The following DISC1 variants were observed in gnomAD, a reference collection of about 807,000 sequenced individuals.
The protein encoded by DISC1 is DISC1 scaffold protein, also known as disrupted in schizophrenia 1 protein.
DISC1 carries 57 observed loss-of-function variants against 84.5 expected under a neutral mutation model. The ratio of observed to expected loss-of-function variants is 0.67; its 90% CI spans 0.55 to 0.84. DISC1 has a LOEUF of 0.84. Among genes scored for constraint, DISC1 ranks in the 40% least tolerant of loss-of-function variants. The pLI is 0.00. For missense variants in DISC1, 1,000 were observed against 1,057.8 expected (o/e 0.95, Z 0.76); for synonymous variants, 411 against 415.2 (o/e 0.99, Z 0.12).
chr1:231,843,739 G>T (rs139921941), intron 9 of DISC1, among the ~76,000 whole-genome samples: 4 of 152,248 alleles, frequency 2.6e-5, no homozygotes, highest in Admixed American at 2.0e-4. Context: ...CCACCGGTGG[G>T]GGGTATTCAT....
At position 231,715,081 on chromosome 1, in the gene DISC1, C is replaced by T. The variant is rs541162275; in HGVS notation, c.1117+13057C>T. On this transcript the variant is annotated intron_variant, in intron 3 of 12. Transcript: ENST00000439617. ...CTCTTGGATCCAGTATGAAAACCTT[C>T]AGGAAAGGATTGGGTTAGGTGCTGA... Among the ~76,000 whole-genome samples the T allele has an allele frequency of 2.0e-5, 3 of 152,294 alleles. No individual in the cohort carries two copies. The East Asian group carries it at 5.8e-4, about 29-fold the overall frequency.
intron 6 of DISC1, among the ~76,000 whole-genome samples, chr1:231,790,479 C>T (rs1375432554): frequency 6.6e-6 from 1 of 151,964 alleles, no homozygotes; most frequent in East Asian, 1.9e-4. Flanking sequence ...AGATGATCTT[C>T]CCTCCACATG....
At chr1:231,690,269 C>T (rs2064831992) in intron 1 of DISC1, among the ~76,000 whole-genome samples, 1 of 152,170 alleles carries the variant, frequency 6.6e-6, no homozygotes, top group Admixed American at 6.5e-5. Context: ...GCGCTTCCCT[C>T]TAGAATTGAT....
chr1:231,672,918 G>A (rs547507583), intron 1 of DISC1, among the ~76,000 whole-genome samples: 3 of 152,262 alleles, frequency 2.0e-5, no homozygotes, highest in South Asian at 4.1e-4. Context: ...AAACCTCCCA[G>A]GTGATTTTGA....
intron 1 of DISC1, among the ~76,000 whole-genome samples, chr1:231,656,100 T>G (rs1209857013): frequency 6.6e-6 from 1 of 152,140 alleles, no homozygotes; most frequent in Non-Finnish European, 1.5e-5. Context: ...TTAGTTTAAG[T>G]CTTATTTATT....
At chr1:231,809,834 A>G (rs1034578039) in intron 8 of DISC1, among the ~76,000 whole-genome samples, 1 of 152,212 alleles carries the variant, frequency 6.6e-6, no homozygotes, top group African/African-American at 2.4e-5. Flanking sequence ...CAAGAAATAT[A>G]TATCATTTTA....
rs1321225515 is a variant in DISC1 at position 231,734,429 on chromosome 1, T to C, written c.1118-15497T>C. 3.3e-5 allele frequency among the ~76,000 whole-genome samples: 5 copies of C among 152,144 alleles called. No homozygotes were observed. In the East Asian group the frequency reaches 9.6e-4, roughly 29 times the overall value. Reference sequence around the variant, plus strand: ...CCTGAGAAATTTTGTGTTTTCTGTGTTGTCTATAAACTGCAACTTAAGGAT... The same window carrying C: ...CCTGAGAAATTTTGTGTTTTCTGTGCTGTCTATAAACTGCAACTTAAGGAT... On this transcript the variant is annotated intron_variant, in intron 3 of 12. Coordinates refer to ENST00000439617, the MANE Select transcript of DISC1 (RefSeq NM_018662.3).
At chr1:231,680,580 A>G (rs1295631526) in intron 1 of DISC1, among the ~76,000 whole-genome samples, 1 of 152,210 alleles carries the variant, frequency 6.6e-6, no homozygotes, top group African/African-American at 2.4e-5. Context: ...GTTTTTTAGT[A>G]AGACCATAGA....
At chr1:231,977,513 A>G (rs1662981445) in intron 10 of DISC1, among the ~76,000 whole-genome samples, 1 of 151,892 alleles carries the variant, frequency 6.6e-6, no homozygotes, top group Non-Finnish European at 1.5e-5. Context: ...ACTGATTCTC[A>G]CTCTTCTGCT....
intron 4 of DISC1, among the ~76,000 whole-genome samples, chr1:231,765,206 A>C (rs1309759745): frequency 1.3e-5 from 2 of 151,582 alleles, no homozygotes; most frequent in Non-Finnish European, 2.9e-5. Context: ...AAAAAAAAAA[A>C]AAAAAAAAAA....
chr1:231,752,432 G>A (rs1475855121), intron 4 of DISC1, among the ~76,000 whole-genome samples: 1 of 152,092 alleles, frequency 6.6e-6, no homozygotes, highest in Non-Finnish European at 1.5e-5. Flanking sequence ...TAAACAACGA[G>A]ATCTCATGAG....
intron 9 of DISC1, among the ~76,000 whole-genome samples, chr1:231,935,380 T>C (rs1367394645): frequency 6.6e-6 from 1 of 152,194 alleles, no homozygotes; most frequent in Non-Finnish European, 1.5e-5. Context: ...ATTAGAGTGC[T>C]TCTCAAAATT....
intron 9 of DISC1, among the ~76,000 whole-genome samples, chr1:231,845,319 G>T (rs1170728519): frequency 6.6e-6 from 1 of 152,208 alleles, no homozygotes; most frequent in Admixed American, 6.5e-5. Flanking sequence ...GCTCTGGACC[G>T]GGTTTGGCTG....
At chr1:231,683,877 C>T (rs1464608727) in intron 1 of DISC1, among the ~76,000 whole-genome samples, 2 of 152,070 alleles carry the variant, frequency 1.3e-5, no homozygotes, top group Non-Finnish European at 2.9e-5. Context: ...CTGTCTGTAC[C>T]CAAGTCCCAG....
intron 1 of DISC1, among the ~76,000 whole-genome samples, chr1:231,691,058 G>T (rs2064942797): frequency 6.6e-6 from 1 of 152,136 alleles, no homozygotes. Context: ...GTTCACAGTG[G>T]GTAACCTCAC....
In DISC1 at chr1:231,717,073, C is replaced by T. The variant is rs139007568; in HGVS notation, c.1117+15049C>T. ...TGCAGTTTGTGTTTGGCTGTTCTCTCATCCTGTTGCTTGGCCCAGCTCCTA... is the reference window on the plus strand; with the variant it reads ...TGCAGTTTGTGTTTGGCTGTTCTCTTATCCTGTTGCTTGGCCCAGCTCCTA... On this transcript the variant is annotated intron_variant, in intron 3 of 12. Coordinates refer to ENST00000439617, the MANE Select transcript of DISC1 (RefSeq NM_018662.3). Among the ~76,000 whole-genome samples, 13 of 152,274 alleles carry T rather than the reference C, an allele frequency of 8.5e-5. No homozygotes were observed. The East Asian group carries it at 2.3e-3, about 27-fold the overall frequency.
At chr1:231,951,703 C>T (rs821585) in intron 9 of DISC1, among the ~76,000 whole-genome samples, 9,410 of 152,096 alleles carry the variant, frequency 0.062, 584 homozygotes, top group African/African-American at 0.16. Context: ...CTTAAGCCCA[C>T]GGGCAGCGTG....
chr1:231,784,555 C>G (rs1436944188), intron 6 of DISC1, among the ~76,000 whole-genome samples: 1 of 152,138 alleles, frequency 6.6e-6, no homozygotes, highest in East Asian at 1.9e-4. Flanking sequence ...TTATTCCACC[C>G]TTGTTAAAAA....
chr1:231,859,248 C>CTAT (rs2084479673), intron 9 of DISC1, among the ~76,000 whole-genome samples: 1 of 152,214 alleles, frequency 6.6e-6, no homozygotes, highest in South Asian at 2.1e-4. Flanking sequence ...TATTTCTTTT[C>CTAT]TATTTATCTC....
Sources: gnomAD v4.1 joint callset for allele counts (sites outside exome capture counted in the v4.1 genomes callset) on GRCh38, gnomAD v4.1.1 for gene constraint, MANE v1.5 for transcripts, NCBI Gene and HGNC (gene_info 2026-07-23, HGNC 2026-07-21) for gene names.